LRP1B: variants seen among roughly 807,000 people sequenced by gnomAD.
The protein encoded by LRP1B is low-density lipoprotein receptor-related protein 1B.
A neutral mutation model predicts 556.6 loss-of-function variants in LRP1B; 217 were observed. The observed-to-expected ratio is 0.39, with a 90% CI of 0.35 to 0.44. The LOEUF is 0.44. Among genes scored for constraint, LRP1B ranks in the 20% least tolerant of loss-of-function variants. LRP1B has a pLI of 1.00. For missense variants in LRP1B, 5,053 were observed against 5,620.8 expected (o/e 0.90, Z 3.23); for synonymous variants, 2,047 against 1,865.8 (o/e 1.10, Z -2.50).
chr2:141,981,860 C>T (rs926967925), intron 1 of LRP1B, among the ~76,000 whole-genome samples: 1 of 152,012 alleles, frequency 6.6e-6, no homozygotes, highest in African/African-American at 2.4e-5. Flanking sequence ...GTGTCTTTCC[C>T]CTACTTCCCT....
intron 1 of LRP1B, among the ~76,000 whole-genome samples, chr2:142,092,057 C>T (rs1214262252): frequency 1.3e-5 from 2 of 152,210 alleles, no homozygotes; most frequent in Non-Finnish European, 2.9e-5. Flanking sequence ...GCAGAGCAAG[C>T]AAACAGAATG....
At chr2:141,285,186 C>T (rs1685660396) in intron 3 of LRP1B, among the ~76,000 whole-genome samples, 1 of 151,586 alleles carries the variant, frequency 6.6e-6, no homozygotes, top group Non-Finnish European at 1.5e-5. Flanking sequence ...CACCCTCCGC[C>T]TCCCAGGTTC....
At chr2:141,752,962 T>G (rs1437125749) in intron 2 of LRP1B, among the ~76,000 whole-genome samples, 1 of 18,338 alleles carries the variant, frequency 5.5e-5, no homozygotes, top group Non-Finnish European at 1.5e-4. Context: ...AAAAAAAAAA[T>G]TATGCTGGGT....
chr2:140,346,078 C>G (rs192177785), intron 77 of LRP1B, among the ~76,000 whole-genome samples: 1 of 150,642 alleles, frequency 6.6e-6, no homozygotes, highest in Non-Finnish European at 1.5e-5. Flanking sequence ...CTCTTTCTTC[C>G]CTAGAAAATA....
At chr2:142,037,341 C>T (rs1426810887) in intron 1 of LRP1B, among the ~76,000 whole-genome samples, 1 of 151,516 alleles carries the variant, frequency 6.6e-6, no homozygotes, top group East Asian at 1.9e-4. Context: ...CATGCACATT[C>T]TGCCGTTTTT....
At chr2:142,031,680 C>T (rs944047026) in intron 1 of LRP1B, among the ~76,000 whole-genome samples, 11 of 151,596 alleles carry the variant, frequency 7.3e-5, no homozygotes, top group African/African-American at 2.7e-4. Context: ...CTTCCCATTT[C>T]CCGCAGCTGC....
At chr2:141,527,219 A>C (rs1286954709) in intron 2 of LRP1B, among the ~76,000 whole-genome samples, 1 of 152,070 alleles carries the variant, frequency 6.6e-6, no homozygotes, top group East Asian at 1.9e-4. Flanking sequence ...TATGACACCG[A>C]TGAAGATAGC....
At chr2:140,315,964 T>G (rs914419294) in intron 82 of LRP1B, among the ~76,000 whole-genome samples, 1 of 152,154 alleles carries the variant, frequency 6.6e-6, no homozygotes, top group South Asian at 2.1e-4. Context: ...CCTAAATGAT[T>G]CCGTAGAGTC....
At chr2:142,114,704 G>A (rs1001962001) in intron 1 of LRP1B, among the ~76,000 whole-genome samples, 5 of 152,114 alleles carry the variant, frequency 3.3e-5, no homozygotes, top group Non-Finnish European at 7.4e-5. Context: ...TTATATGTGG[G>A]AGTTCATGAA....
chr2:141,554,038 T>A (rs1559137762), intron 2 of LRP1B, among the ~76,000 whole-genome samples: 1 of 141,674 alleles, frequency 7.1e-6, no homozygotes, highest in Admixed American at 7.3e-5. Context: ...ATTATATATC[T>A]ATATTAATAG....
At chr2:140,704,891 T>A (rs962683098) in intron 37 of LRP1B, among the ~76,000 whole-genome samples, 6 of 152,144 alleles carry the variant, frequency 3.9e-5, no homozygotes, top group Admixed American at 6.6e-5. Context: ...ACAGATCAAA[T>A]AAGCTATTTA....
intron 2 of LRP1B, among the ~76,000 whole-genome samples, chr2:141,614,737 C>T (rs1031744955): frequency 6.6e-6 from 1 of 152,188 alleles, no homozygotes; most frequent in Admixed American, 6.5e-5. Flanking sequence ...AATAGATTGA[C>T]TCTGAGAGCT....
At chr2:140,397,563 C>T (rs993943450) in intron 66 of LRP1B, among the ~76,000 whole-genome samples, 3 of 152,078 alleles carry the variant, frequency 2.0e-5, no homozygotes, top group South Asian at 2.1e-4. Context: ...AGCTCCATGG[C>T]GTGTTTCTGA....
rs1680118085 is a variant in LRP1B, at chr2:140,541,108, A to G, written c.7388-10T>C. ...CATGGAGAAAGTTCACCTACAATAA[A>G]GAGGGTGTATTGGTAACATTTTATA... On this transcript the variant is annotated splice_polypyrimidine_tract_variant and intron_variant, in intron 44 of 90. Transcript: ENST00000389484. 6.2e-7 allele frequency: 1 copy of G among 1,602,682 alleles called. No homozygotes were observed.
chr2:140,258,417 T>C (rs1681792552), intron 86 of LRP1B, among the ~76,000 whole-genome samples: 2 of 152,136 alleles, frequency 1.3e-5, no homozygotes, highest in Non-Finnish European at 2.9e-5. Context: ...TGGCTTTACA[T>C]ATTGTAGCCC....
At chr2:141,773,979 T>C (rs1694980272) in intron 2 of LRP1B, among the ~76,000 whole-genome samples, 1 of 152,198 alleles carries the variant, frequency 6.6e-6, no homozygotes, top group African/African-American at 2.4e-5. Flanking sequence ...TTCTCAAAAA[T>C]GTACCAGAAA....
intron 2 of LRP1B, among the ~76,000 whole-genome samples, chr2:141,748,033 C>G (rs550255482): frequency 6.6e-6 from 1 of 152,242 alleles, no homozygotes; most frequent in South Asian, 2.1e-4. Flanking sequence ...AACTCTTAAT[C>G]ATCCTAAACT....
At chr2:140,705,462 C>T (rs1051003628) in intron 37 of LRP1B, among the ~76,000 whole-genome samples, 4 of 132,952 alleles carry the variant, frequency 3.0e-5, no homozygotes, top group South Asian at 2.4e-4. Context: ...ACACAGAGTC[C>T]GCAGTGAGCC....
intron 43 of LRP1B, among the ~76,000 whole-genome samples, chr2:140,559,047 T>C (rs144829460): frequency 2.0e-5 from 3 of 152,176 alleles, no homozygotes; most frequent in East Asian, 3.9e-4. Context: ...TTTTTGATAA[T>C]AGTACAGAAA....
Sources: gnomAD v4.1 joint callset for allele counts (sites outside exome capture counted in the v4.1 genomes callset) on GRCh38, gnomAD v4.1.1 for gene constraint, MANE v1.5 for transcripts, NCBI Gene and HGNC (gene_info 2026-07-23, HGNC 2026-07-21) for gene names.